Variants in FOCAD observed in about 807,000 individuals in gnomAD.
The protein encoded by FOCAD is focadhesin, also known as KIAA1797.
Under a neutral mutation model 225.6 loss-of-function variants are expected in FOCAD, and 198 were observed. The ratio of observed to expected loss-of-function variants is 0.88; its 90% CI spans 0.78 to 0.99. The LOEUF is 0.99. Among genes scored for constraint, FOCAD ranks in the 50% least tolerant of loss-of-function variants. The pLI is 0.00. For missense variants in FOCAD, 2,713 were observed against 2,123.6 expected, an observed-to-expected ratio of 1.28 and a Z score of -5.46; for synonymous variants, 897 against 755.0, an observed-to-expected ratio of 1.19 and a Z score of -3.08.
intron 1 of FOCAD, among the ~76,000 whole-genome samples, chr9:20,696,802 T>TATA (rs550289375): frequency 0.024 from 3,589 of 150,940 alleles, 47 homozygotes; most frequent in Non-Finnish European, 0.032. Context: ...GACTCTATCT[T>TATA]ATAATAATAA....
Position 20,955,522 on chromosome 9 carries a change from CTT to C in FOCAD, c.4132+2471_4132+2472del, listed in dbSNP as rs10715548. Among the ~76,000 whole-genome samples the C allele has an allele frequency of 6.6e-3, 895 of 136,434 alleles. 15 individuals are homozygous for C. The highest frequency in any genetic ancestry group is 0.054 in the East Asian group (254 of 4,736). The allele number at this position is 136,434 out of a possible 152,430, so 89.5% of individuals were successfully genotyped here. The stretch of plus-strand genomic sequence containing the variant: ...TTCATGGTTTTGACTATAACTGGGT[CTT>C]TTTTTTTTTTTTTGCTATACCATGT... On this transcript the variant is annotated intron_variant, in intron 35 of 43. Coordinates refer to ENST00000338382, the MANE Select transcript of FOCAD (RefSeq NM_001375567.1).
Position 20,778,686 on chromosome 9 carries a change from T to G in FOCAD, c.912T>G (p.Phe304Leu), listed in dbSNP as rs1424253130. The G allele has an allele frequency of 6.2e-7, 1 of 1,603,860 alleles. No individual in the cohort carries two copies. The highest frequency in any genetic ancestry group is 1.3e-5 in the African/African-American group (1 of 74,878). The change falls in exon 9 of 44, where the codon TTT (phenylalanine) becomes TTG (leucine). Residue 304 changes from phenylalanine to leucine, a missense_variant. Coordinates refer to ENST00000338382, the MANE Select transcript of FOCAD (RefSeq NM_001375567.1). Reference protein sequence around the residue: ...EHSVELLKEDFPVELVIIGIA... With the variant: ...EHSVELLKEDLPVELVIIGIA... ...TTCCCCCTCTATTCTTTTAGGATTTTCCTGTTGAACTGGTCATAATTGGAA... is the reference window on the plus strand; with the variant it reads ...TTCCCCCTCTATTCTTTTAGGATTTGCCTGTTGAACTGGTCATAATTGGAA...
intron 11 of FOCAD, among the ~76,000 whole-genome samples, chr9:20,803,999 CAT>C (rs999839026): frequency 4.3e-4 from 65 of 152,198 alleles, no homozygotes; most frequent in African/African-American, 1.4e-3. Context: ...GGGAGTAAGA[CAT>C]GTGGAGATAA....
chr9:20,930,325 C>A (rs1291075014), intron 27 of FOCAD, among the ~76,000 whole-genome samples: 1 of 152,090 alleles, frequency 6.6e-6, no homozygotes, highest in Non-Finnish European at 1.5e-5. Context: ...TCTAGCAATT[C>A]TTAGAATTTT....
Position 20,976,985 on chromosome 9 carries a change from T to C in FOCAD, c.4261+437T>C, listed in dbSNP as rs1162042544. ...TCTTTACATGTCCATAGGCCAGAAGTCCAACATGTTTCTCACCAGCCTAAG... is the reference window on the plus strand; with the variant it reads ...TCTTTACATGTCCATAGGCCAGAAGCCCAACATGTTTCTCACCAGCCTAAG... On this transcript the variant is annotated intron_variant, in intron 36 of 43. Coordinates refer to ENST00000338382, the MANE Select transcript of FOCAD (RefSeq NM_001375567.1). 3.3e-5 allele frequency among the ~76,000 whole-genome samples: 5 copies of C among 152,304 alleles called. No homozygotes were observed. The East Asian group carries it at 7.7e-4, about 23-fold the overall frequency.
chr9:20,841,223 G>T (rs12338491), intron 15 of FOCAD, among the ~76,000 whole-genome samples: 27,711 of 151,842 alleles, frequency 0.18, 3,121 homozygotes, highest in Non-Finnish European at 0.25. Flanking sequence ...TTTGGTATCA[G>T]TGTGATACTG....
chr9:20,906,717 A>G (rs7038206), intron 21 of FOCAD, among the ~76,000 whole-genome samples: 106,295 of 151,948 alleles, frequency 0.7, 38,377 homozygotes, highest in African/African-American at 0.89. Flanking sequence ...GGCAATATAA[A>G]TTTATTACTT....
intron 11 of FOCAD, among the ~76,000 whole-genome samples, chr9:20,819,574 A>G (rs1010918115): frequency 1.3e-5 from 2 of 152,120 alleles, no homozygotes; most frequent in African/African-American, 4.8e-5. Context: ...GTTATTCAAT[A>G]AAAGCACTTT....
chr9:20,946,721 C>T lies in FOCAD; in HGVS notation c.3576C>T (p.Ser1192=), dbSNP rs1334007812. 1 of 1,613,246 alleles carries T rather than the reference C, an allele frequency of 6.2e-7. No individual in the cohort carries two copies. The highest frequency in any genetic ancestry group is 2.2e-5 in the East Asian group (1 of 44,814). Reference sequence around the variant, plus strand: ...CTCAGGTCCTTGCCTACACACTTAGCTGTGTATGTACATCAGCGTTCAGTG... The same window carrying T: ...CTCAGGTCCTTGCCTACACACTTAGTTGTGTATGTACATCAGCGTTCAGTG... ...TFQEVLAYTL[S]CVCTSAFSAG... The change falls in exon 30 of 44, where the codon AGC becomes AGT. Residue 1192 remains serine, a synonymous_variant. Coordinates refer to ENST00000338382, the MANE Select transcript of FOCAD (RefSeq NM_001375567.1).
chr9:20,820,236 A>G, intron 12 of FOCAD, 88 bp from the exon 13 acceptor site: 1 of 892,606 alleles, frequency 1.1e-6, no homozygotes, highest in South Asian at 1.7e-5. Flanking sequence ...TCTTCATTTT[A>G]TAACAAGGGG....
intron 15 of FOCAD, among the ~76,000 whole-genome samples, chr9:20,854,331 C>G (rs562673388): frequency 2.0e-5 from 3 of 151,724 alleles, no homozygotes; most frequent in African/African-American, 7.2e-5. Flanking sequence ...ACAACAATAA[C>G]TATATTTTTC....
At chr9:20,866,098 T>A in intron 17 of FOCAD, 122 bp downstream of exon 17, 1 of 794,442 alleles carries the variant, frequency 1.3e-6, no homozygotes, top group Admixed American at 3.3e-5. Context: ...TCCCAATTTT[T>A]AAAAAAAGTG....
intron 35 of FOCAD, among the ~76,000 whole-genome samples, chr9:20,956,654 T>C (rs1838160288): frequency 6.6e-6 from 1 of 152,146 alleles, no homozygotes; most frequent in Non-Finnish European, 1.5e-5. Context: ...ATTGCATTGG[T>C]TTCTGGACAT....
At chr9:20,923,805 T>C (rs760035989) in intron 25 of FOCAD, 37 bp downstream of exon 25, 1 of 1,522,320 alleles carries the variant, frequency 6.6e-7, no homozygotes, top group East Asian at 2.3e-5. Flanking sequence ...GCTTTGATTA[T>C]GTCTTTTTAA....
intron 15 of FOCAD, among the ~76,000 whole-genome samples, chr9:20,827,148 C>T (rs1272850719): frequency 6.6e-6 from 1 of 151,988 alleles, no homozygotes; most frequent in Non-Finnish European, 1.5e-5. Flanking sequence ...AATTTTAGGA[C>T]ACTTTTAACT....
chr9:20,765,900 T>C (rs906261950), intron 7 of FOCAD, among the ~76,000 whole-genome samples: 1 of 152,132 alleles, frequency 6.6e-6, no homozygotes, highest in Admixed American at 6.5e-5. Context: ...TCACTTGAGG[T>C]CACACATGAC....
chr9:20,672,851 A>G (rs1247174762), intron 2 of FOCAD, among the ~76,000 whole-genome samples: 2 of 152,256 alleles, frequency 1.3e-5, no homozygotes, highest in East Asian at 1.9e-4. Context: ...GGTCACCAAC[A>G]GGACTCACCA....
At chr9:20,937,204 T>C (rs1483648433) in intron 28 of FOCAD, among the ~76,000 whole-genome samples, 3 of 150,872 alleles carry the variant, frequency 2.0e-5, no homozygotes, top group Non-Finnish European at 4.4e-5. Flanking sequence ...CCAATGACTT[T>C]CTTCACAGAA....
chr9:20,801,020 G>C (rs564088618), intron 11 of FOCAD, among the ~76,000 whole-genome samples: 1 of 152,094 alleles, frequency 6.6e-6, no homozygotes, highest in African/African-American at 2.4e-5. Flanking sequence ...GTACAGATGG[G>C]GTTTTGGTGT....
Sources: allele counts gnomAD v4.1 joint callset (sites outside exome capture counted in the v4.1 genomes callset), GRCh38; gene constraint gnomAD v4.1.1; transcripts MANE v1.5; gene names NCBI Gene and HGNC (gene_info 2026-07-23, HGNC 2026-07-21).